TMEM87A: variants seen among roughly 807,000 people sequenced by gnomAD.
The protein encoded by TMEM87A is transmembrane protein 87A, also known as Golgi-pH regulating cation channel.
TMEM87A carries 50 observed loss-of-function variants against 90.0 expected under a neutral mutation model. That is an observed-to-expected ratio of 0.56 (90% CI 0.44 to 0.70). The LOEUF (loss-of-function observed/expected upper bound fraction) is 0.70. Ranked by LOEUF, TMEM87A falls within the 30% of genes least tolerant of loss-of-function variation. The pLI, the probability that TMEM87A is intolerant of heterozygous loss-of-function variation, is 0.00. For missense variants in TMEM87A, 577 were observed against 660.5 expected (o/e 0.87, Z 1.39); for synonymous variants, 226 against 226.7 (o/e 1.00, Z 0.03).
intron 6 of TMEM87A, among the ~76,000 whole-genome samples, chr15:42,255,954 A>C (rs565365761): frequency 3.7e-4 from 30 of 80,774 alleles, no homozygotes; most frequent in African/African-American, 1.4e-3. Flanking sequence ...TTTTTTTTGT[A>C]TTTTTAGTAG....
chr15:42,226,531 C>T (rs2050597406), intron 15 of TMEM87A: 2 of 381,328 alleles, frequency 5.2e-6, no homozygotes, highest in African/African-American at 2.0e-5. Flanking sequence ...GTGTATTTAT[C>T]ACAAAATGTC....
At chr15:42,228,910 C>T (rs1481781080) in intron 12 of TMEM87A, 90 bp from the exon 13 acceptor site, 4 of 869,452 alleles carry the variant, frequency 4.6e-6, no homozygotes, top group Non-Finnish European at 5.3e-6. Context: ...TGGGGTCATG[C>T]CAATAAACTT....
Position 42,261,220 on chromosome 15 carries a change from C to T in TMEM87A, c.435G>A (p.Leu145=), listed in dbSNP as rs772310530. 8.7e-6 allele frequency: 14 copies of T among 1,613,398 alleles called. No individual in the cohort carries two copies. The South Asian group carries it at 1.4e-4, about 16-fold the overall frequency. The change falls in exon 5 of 20, where the codon CTG becomes CTA. Residue 145 remains leucine (L), a synonymous_variant. Transcript: ENST00000389834. ...QTFSGDFMHR[L]PLLGEKQEAK... ...CCTCCTGTTTTTCTCCTAAAAGAGG[C>T]AGTCGATGCATAAAATCTCCAGAAA...
At position 42,227,712 on chromosome 15, in the gene TMEM87A, G is replaced by T. The variant is rs757516070; in HGVS notation, c.1298C>A (p.Ser433Ter). Residue 433 changes from serine (S) to a stop codon, truncating the protein, a stop_gained and splice_region_variant, in exon 14 of 20, where the codon TCG becomes TAG. Transcript: ENST00000389834. LOFTEE classifies it high-confidence loss of function. Reference protein sequence around the residue: ...TMKFRIVTCQSDWRELWVDDA... With the variant: ...TMKFRIVTCQ ...TTCATAAATGTGCTTATAACTCACC[G>T]ACTGACATGTCACTATTCTGAACTT... 1.2e-6 allele frequency: 2 copies of T among 1,613,184 alleles called. No individual in the cohort carries two copies. Among genetic ancestry groups the T allele is most frequent in the South Asian group, 2.2e-5 (2 of 90,976 alleles).
chr15:42,264,968 C>A (rs773161262), intron 3 of TMEM87A, among the ~76,000 whole-genome samples: 2 of 152,010 alleles, frequency 1.3e-5, no homozygotes, highest in South Asian at 2.1e-4. Flanking sequence ...CTTTCTGTTC[C>A]TGTGTTAGTT....
intron 2 of TMEM87A, 134 bp from the exon 3 acceptor site, chr15:42,268,166 A>T (rs748825811): frequency 7.3e-5 from 43 of 589,580 alleles, no homozygotes; most frequent in Non-Finnish European, 1.2e-4. Context: ...TCCAAACATA[A>T]GGTATTGAAA....
At chr15:42,252,807 T>A (rs1437776292) in intron 6 of TMEM87A, among the ~76,000 whole-genome samples, 2 of 142,730 alleles carry the variant, frequency 1.4e-5, no homozygotes, top group Admixed American at 7.1e-5. Context: ...CTTCAAAGCA[T>A]GTATTTTTTT....
chr15:42,233,779 CT>C (rs145910130), intron 10 of TMEM87A, among the ~76,000 whole-genome samples: 1 of 151,918 alleles, frequency 6.6e-6, no homozygotes, highest in Non-Finnish European at 1.5e-5. Context: ...AAGGGCCTTT[CT>C]TTTTTTCCCC....
chr15:42,231,081 A>G, intron 12 of TMEM87A, 111 bp downstream of exon 12: 3 of 960,872 alleles, frequency 3.1e-6, no homozygotes, highest in Non-Finnish European at 4.7e-6. Flanking sequence ...TGTTCCCCAC[A>G]CTAAGGAGTA....
chr15:42,234,692 T>C (rs2050742458), intron 10 of TMEM87A, among the ~76,000 whole-genome samples: 2 of 152,186 alleles, frequency 1.3e-5, no homozygotes, highest in South Asian at 4.1e-4. Flanking sequence ...TAATTGTCTA[T>C]ACAATTATTC....
intron 7 of TMEM87A, among the ~76,000 whole-genome samples, chr15:42,242,759 G>C (rs1434300584): frequency 6.6e-6 from 1 of 152,032 alleles, no homozygotes; most frequent in Non-Finnish European, 1.5e-5. Context: ...ATAAAGCTAA[G>C]TATTCATTCT....
intron 6 of TMEM87A, among the ~76,000 whole-genome samples, chr15:42,257,649 A>G (rs1344376333): frequency 6.6e-6 from 1 of 152,244 alleles, no homozygotes; most frequent in Non-Finnish European, 1.5e-5. Context: ...TTCTACCTCC[A>G]GGAATTTAGC....
At chr15:42,220,916 C>T (rs1266875584) in intron 15 of TMEM87A, among the ~76,000 whole-genome samples, 2 of 152,122 alleles carry the variant, frequency 1.3e-5, no homozygotes, top group Non-Finnish European at 2.9e-5. Context: ...CTCAGCTTCC[C>T]GAATAGCTGG....
Position 42,214,703 on chromosome 15 carries a change from A to C in TMEM87A, c.1627-2954T>G, listed in dbSNP as rs1303138678. 2.0e-5 allele frequency among the ~76,000 whole-genome samples: 3 copies of C among 152,256 alleles called. 1 individual carries two copies. Among genetic ancestry groups the C allele is most frequent in the Non-Finnish European group, 4.4e-5 (3 of 68,042 alleles). ...AATAGATTAAAGACTTAGACAAGTC[A>C]AAATAGATTAAAGAATTAGACATAA... On this transcript the variant is annotated intron_variant, in intron 19 of 19. Transcript: ENST00000389834.
chr15:42,215,763 T>C (rs77779318), intron 19 of TMEM87A, among the ~76,000 whole-genome samples: 5 of 151,956 alleles, frequency 3.3e-5, no homozygotes, highest in East Asian at 1.9e-4. Flanking sequence ...AAGAAAGAAA[T>C]TGGAACCCCT....
At chr15:42,226,302 T>C (rs1214689566) in intron 15 of TMEM87A, among the ~76,000 whole-genome samples, 1 of 151,152 alleles carries the variant, frequency 6.6e-6, no homozygotes, top group Non-Finnish European at 1.5e-5. Flanking sequence ...GCCCAGCCCC[T>C]GTGTCGGTAT....
chr15:42,256,571 A>C (rs1566938115), intron 6 of TMEM87A, among the ~76,000 whole-genome samples: 1 of 152,240 alleles, frequency 6.6e-6, no homozygotes. Context: ...TGTGGTATTC[A>C]ACAGGCTCAC....
intron 2 of TMEM87A, among the ~76,000 whole-genome samples, chr15:42,268,486 A>T (rs1566943585): frequency 6.6e-6 from 1 of 151,992 alleles, no homozygotes; most frequent in Non-Finnish European, 1.5e-5. Flanking sequence ...TAGGCAACAT[A>T]GTGAGAACTC....
At chr15:42,269,844 G>A (rs537934269) in intron 2 of TMEM87A, among the ~76,000 whole-genome samples, 62 of 144,392 alleles carry the variant, frequency 4.3e-4, no homozygotes, top group African/African-American at 1.5e-3. Context: ...GCTGAGGCAG[G>A]AGAATGGCGT....
Sources: gnomAD v4.1 joint callset for allele counts (sites outside exome capture counted in the v4.1 genomes callset) on GRCh38, gnomAD v4.1.1 for gene constraint, MANE v1.5 for transcripts, NCBI Gene and HGNC (gene_info 2026-07-23, HGNC 2026-07-21) for gene names.